DGKI: variants seen among roughly 807,000 people sequenced by gnomAD.
DGKI encodes DAG kinase iota.
A neutral mutation model predicts 147.5 loss-of-function variants in DGKI; 55 were observed. The observed-to-expected ratio is 0.37, with a 90% CI of 0.30 to 0.47. DGKI has a LOEUF of 0.47. Among genes scored for constraint, DGKI ranks in the 20% least tolerant of loss-of-function variants. DGKI has a pLI of 1.00. For synonymous variants in DGKI, 469 were observed against 477.1 expected (o/e 0.98, Z 0.22); for missense variants, 1,007 against 1,323.8 (o/e 0.76, Z 3.71).
At chr7:137,641,238 G>A (rs2129006592) in intron 6 of DGKI, among the ~76,000 whole-genome samples, 1 of 152,208 alleles carries the variant, frequency 6.6e-6, no homozygotes, top group South Asian at 2.1e-4. Context: ...ACGTGGAACT[G>A]TAAATCCAAT....
intron 2 of DGKI, among the ~76,000 whole-genome samples, chr7:137,679,149 T>C (rs1001971239): frequency 2.0e-5 from 3 of 152,224 alleles, no homozygotes; most frequent in Non-Finnish European, 2.9e-5. Context: ...ATTATATTTC[T>C]AAGGGCAGAG....
chr7:137,831,035 C>A (rs1195217890), intron 1 of DGKI, among the ~76,000 whole-genome samples: 1 of 152,194 alleles, frequency 6.6e-6, no homozygotes, highest in Non-Finnish European at 1.5e-5. Context: ...AAGTTCCTAA[C>A]ACATATTAAG....
chr7:137,740,734 T>C (rs1395250281), intron 1 of DGKI, among the ~76,000 whole-genome samples: 1 of 152,208 alleles, frequency 6.6e-6, no homozygotes, highest in East Asian at 1.9e-4. Flanking sequence ...AAAACGGCTA[T>C]GATTTGCTGG....
chr7:137,614,900 A>G (rs1369479630), intron 8 of DGKI, among the ~76,000 whole-genome samples: 1 of 152,148 alleles, frequency 6.6e-6, no homozygotes, highest in Non-Finnish European at 1.5e-5. Context: ...TTAAAGATCC[A>G]TCTTAACTGT....
At chr7:137,845,900 G>A (rs991173141) in intron 1 of DGKI, among the ~76,000 whole-genome samples, 4 of 152,046 alleles carry the variant, frequency 2.6e-5, no homozygotes, top group Non-Finnish European at 4.4e-5. Context: ...CTTCCTTCAT[G>A]GGGGATTTCG....
chr7:137,424,551 C>T (rs1812706754), intron 28 of DGKI, among the ~76,000 whole-genome samples: 1 of 152,080 alleles, frequency 6.6e-6, no homozygotes. Flanking sequence ...ACAGTGGATG[C>T]AGTGCACCGT....
intron 1 of DGKI, among the ~76,000 whole-genome samples, chr7:137,767,607 A>T (rs1796061491): frequency 6.6e-6 from 1 of 152,130 alleles, no homozygotes; most frequent in African/African-American, 2.4e-5. Flanking sequence ...GAAGGAGAAG[A>T]GATAATAATA....
intron 1 of DGKI, among the ~76,000 whole-genome samples, chr7:137,702,844 G>T (rs951683507): frequency 6.6e-6 from 1 of 152,158 alleles, no homozygotes; most frequent in East Asian, 1.9e-4. Flanking sequence ...TTCACCAGCG[G>T]CATTTGTTGA....
At chr7:137,451,827 CTTTT>C (rs142870768) in intron 27 of DGKI, among the ~76,000 whole-genome samples, 1,868 of 152,156 alleles carry the variant, frequency 0.012, 43 homozygotes, top group African/African-American at 0.042. Flanking sequence ...AGTTTTCTTT[CTTTT>C]TATTTTTTTA....
chr7:137,846,407 G>T lies in DGKI; in HGVS notation c.401+55C>A. ...CGGAAGCGCCCCTTGCTGGGTAGAA[G>T]AGTGGGTCTCCCGCCGCGGCGCACC... On this transcript the variant is annotated intron_variant, in intron 1 of 32. Transcript: ENST00000614521. The surrounding 1 kb of genome is among the most constrained non-coding windows in gnomAD (Gnocchi z 4.0). 7.4e-7 allele frequency: 1 copy of T among 1,360,206 alleles called. No individual in the cohort carries two copies. The allele number at this position is 1,360,206 out of a possible 1,614,324, so 84.3% of individuals were successfully genotyped here. A position where few individuals can be genotyped will look rare whatever the true frequency, so the allele number is the denominator to read the frequency against.
At chr7:137,401,447 C>T (rs1343797408) in intron 30 of DGKI, among the ~76,000 whole-genome samples, 1 of 151,898 alleles carries the variant, frequency 6.6e-6, no homozygotes, top group Non-Finnish European at 1.5e-5. Flanking sequence ...GGGAAGATTG[C>T]TTGAGCCCAG....
Position 137,688,732 on chromosome 7 carries a change from A to C in DGKI, c.510+1162T>G, listed in dbSNP as rs1360038470. 2.0e-5 allele frequency among the ~76,000 whole-genome samples: 3 copies of C among 152,216 alleles called. 1 individual carries two copies. Among genetic ancestry groups the C allele is most frequent in the Admixed American group, 2.0e-4 (3 of 15,282 alleles). ...TGCATTTAATTGTTTTTAATTATGC[A>C]AACACTGGTGCAAATATACTCTATT... On this transcript the variant is annotated intron_variant, in intron 2 of 32. Coordinates refer to ENST00000614521, the MANE Select transcript of DGKI (RefSeq NM_001321708.2).
At chr7:137,845,614 G>A (rs1040284014) in intron 1 of DGKI, among the ~76,000 whole-genome samples, 1 of 152,154 alleles carries the variant, frequency 6.6e-6, no homozygotes, top group Non-Finnish European at 1.5e-5. Flanking sequence ...GCGGAAGGGA[G>A]GGGTGAGAGA....
At position 137,389,537 on chromosome 7, in the gene DGKI, G is replaced by A. The variant is rs1243854859; in HGVS notation, c.*1683C>T. 3 of 152,154 alleles carry A rather than the reference G, an allele frequency of 2.0e-5. No homozygotes were observed. In the East Asian group the frequency reaches 5.8e-4, roughly 29 times the overall value. 9.4% of individuals were successfully genotyped at this position (152,154 alleles called of 1,614,324 possible). On this transcript the variant is annotated 3_prime_UTR_variant, in exon 33 of 33. Coordinates refer to ENST00000614521, the MANE Select transcript of DGKI (RefSeq NM_001321708.2). ...TCATGGTCATATGTAGAAACATTAG[G>A]GAAGCACTATGCTATGTCCAAGGAC... is the stretch of plus-strand genomic sequence containing the variant.
At chr7:137,695,706 C>T (rs1823758129) in intron 1 of DGKI, among the ~76,000 whole-genome samples, 1 of 152,206 alleles carries the variant, frequency 6.6e-6, no homozygotes, top group Non-Finnish European at 1.5e-5. Flanking sequence ...TACACATATA[C>T]ATAGCAAACC....
intron 1 of DGKI, among the ~76,000 whole-genome samples, chr7:137,718,172 G>C (rs973567953): frequency 6.6e-6 from 1 of 152,134 alleles, no homozygotes; most frequent in Non-Finnish European, 1.5e-5. Context: ...AGTGAGCAAC[G>C]GGGCATCCAC....
intron 21 of DGKI, among the ~76,000 whole-genome samples, chr7:137,519,263 T>C (rs1816880924): frequency 6.6e-6 from 1 of 152,096 alleles, no homozygotes; most frequent in South Asian, 2.1e-4. Flanking sequence ...TGCCATCCAT[T>C]ATTGTCAGGG....
At chr7:137,538,839 A>T (rs1336134343) in intron 20 of DGKI, among the ~76,000 whole-genome samples, 1 of 152,122 alleles carries the variant, frequency 6.6e-6, no homozygotes, top group African/African-American at 2.4e-5. Flanking sequence ...ATTGGTGAAG[A>T]ACATCAGATT....
intron 12 of DGKI, among the ~76,000 whole-genome samples, chr7:137,591,564 C>CGAGCTGAGCGGCAGG (rs1819618836): frequency 6.6e-6 from 1 of 152,108 alleles, no homozygotes; most frequent in Non-Finnish European, 1.5e-5. Context: ...TGTGGGGCAC[C>CGAGCTGAGCGGCAGG]GAGCTGAGCG....
Sources: gnomAD v4.1 joint callset for allele counts (sites outside exome capture counted in the v4.1 genomes callset) on GRCh38, gnomAD v4.1.1 for gene constraint, Gnocchi (gnomAD v3.1) non-coding constraint, MANE v1.5 for transcripts, NCBI Gene and HGNC (gene_info 2026-07-23, HGNC 2026-07-21) for gene names.